The following KSR2 variants were observed in gnomAD, a reference collection of about 807,000 sequenced individuals.
The protein encoded by KSR2 is kinase suppressor of ras 2.
A neutral mutation model predicts 107.8 loss-of-function variants in KSR2; 25 were observed. That is an observed-to-expected ratio of 0.23 (90% CI 0.17 to 0.32). The LOEUF is 0.32. Among genes scored for constraint, KSR2 ranks in the 10% least tolerant of loss-of-function variants. The probability of loss-of-function intolerance (pLI) is 1.00; values close to 1 mark genes in which losing one functional copy is unlikely to be tolerated. For missense variants in KSR2, 887 were observed against 1,268.9 expected, an observed-to-expected ratio of 0.70 and a Z score of 4.57; for synonymous variants, 480 against 507.0, an observed-to-expected ratio of 0.95 and a Z score of 0.71.
In KSR2 at chr12:117,552,602, C is replaced by T. The variant is rs927313385; in HGVS notation, c.1518+2567G>A. Among the ~76,000 whole-genome samples, 15 of 152,312 alleles carry T rather than the reference C, an allele frequency of 9.8e-5. No homozygotes were observed. The East Asian group carries it at 2.7e-3, about 27-fold the overall frequency. On this transcript the variant is annotated intron_variant, in intron 9 of 19. Transcript: ENST00000339824. ...TGCTCTAGTTGACATCTCTGCTGAA[C>T]CCAGGCTTTGACTCAACCCAGCCCA...
chr12:117,604,490 T>C (rs945228861), intron 5 of KSR2, among the ~76,000 whole-genome samples: 1 of 152,226 alleles, frequency 6.6e-6, no homozygotes, highest in Non-Finnish European at 1.5e-5. Flanking sequence ...ACCAAACTGT[T>C]TTCCACACGG....
intron 1 of KSR2, among the ~76,000 whole-genome samples, chr12:117,884,778 G>A (rs561356171): frequency 5.9e-5 from 9 of 152,256 alleles, no homozygotes; most frequent in African/African-American, 1.7e-4. Context: ...CTGCACTGCC[G>A]AGACCTCTGT....
chr12:117,614,759 G>A (rs1289982690), intron 5 of KSR2, among the ~76,000 whole-genome samples: 1 of 152,144 alleles, frequency 6.6e-6, no homozygotes, highest in East Asian at 1.9e-4. Flanking sequence ...AAATAATTTT[G>A]ACGATTGTTC....
intron 7 of KSR2, among the ~76,000 whole-genome samples, chr12:117,568,327 G>A (rs1179780559): frequency 6.6e-6 from 1 of 152,210 alleles, no homozygotes; most frequent in African/African-American, 2.4e-5. Flanking sequence ...GCATGTGGCA[G>A]GCTGGGGGAG....
intron 3 of KSR2, among the ~76,000 whole-genome samples, chr12:117,814,950 C>T (rs1891320312): frequency 6.6e-6 from 1 of 152,098 alleles, no homozygotes; most frequent in African/African-American, 2.4e-5. Context: ...AATAAAAAAA[C>T]AAACAATCCA....
intron 7 of KSR2, among the ~76,000 whole-genome samples, chr12:117,568,473 G>T (rs550948845): frequency 8.5e-5 from 13 of 152,242 alleles, no homozygotes; most frequent in African/African-American, 2.9e-4. Context: ...CCCTTTGCCC[G>T]TGTAAAGCGG....
At chr12:117,936,043 C>CTT (rs1325261602) in intron 1 of KSR2, among the ~76,000 whole-genome samples, 2 of 147,444 alleles carry the variant, frequency 1.4e-5, no homozygotes, top group African/African-American at 5.0e-5. Context: ...ATTTATTGAA[C>CTT]TTTTTTTTTT....
chr12:117,637,302 C>G (rs528656546), intron 5 of KSR2, among the ~76,000 whole-genome samples: 1 of 152,326 alleles, frequency 6.6e-6, no homozygotes, highest in Admixed American at 6.5e-5. Flanking sequence ...GCACATTTGA[C>G]AATGTCTGGA....
chr12:117,474,931 G>A (rs1871681225), intron 17 of KSR2, among the ~76,000 whole-genome samples: 3 of 152,032 alleles, frequency 2.0e-5, no homozygotes, highest in Admixed American at 2.0e-4. Context: ...AGTGAATGAT[G>A]CCACTCTCCA....
At position 117,641,816 on chromosome 12, in the gene KSR2, G is replaced by A. The variant is rs927995558; in HGVS notation, c.1171+25658C>T. 2.6e-5 allele frequency among the ~76,000 whole-genome samples: 4 copies of A among 152,110 alleles called. No homozygotes were observed. The South Asian group carries it at 8.3e-4, about 32-fold the overall frequency. ...AGCACGGTTTAGTAGCACCTGAGGC[G>A]AAGGCTTGTGAGCTTCCCTCAGGTC... On this transcript the variant is annotated intron_variant, in intron 5 of 19. Coordinates refer to ENST00000339824, the MANE Select transcript of KSR2 (RefSeq NM_173598.6).
At chr12:117,681,935 T>C (rs1162583585) in intron 4 of KSR2, among the ~76,000 whole-genome samples, 2 of 152,176 alleles carry the variant, frequency 1.3e-5, no homozygotes, top group East Asian at 3.8e-4. Flanking sequence ...CCCAAAGGAA[T>C]ATAAATCATT....
chr12:117,713,232 T>C (rs1321956601), intron 4 of KSR2, among the ~76,000 whole-genome samples: 8 of 151,804 alleles, frequency 5.3e-5, no homozygotes, highest in African/African-American at 1.9e-4. Context: ...TAGATACAGA[T>C]ATATCTAAGT....
Position 117,956,216 on chromosome 12 carries a change from C to G in KSR2, c.180+11860G>C, listed in dbSNP as rs891234013. Among the ~76,000 whole-genome samples the G allele has an allele frequency of 9.7e-5, 13 of 133,848 alleles. No individual in the cohort carries two copies. In the East Asian group the frequency reaches 1.2e-3, roughly 12 times the overall value. The allele number at this position is 133,848 out of a possible 152,430, so 87.8% of individuals were successfully genotyped here. A position where few individuals can be genotyped will look rare whatever the true frequency, so the allele number is the denominator to read the frequency against. On this transcript the variant is annotated intron_variant, in intron 1 of 19. Coordinates refer to ENST00000339824, the MANE Select transcript of KSR2 (RefSeq NM_173598.6). ...AGTGAGCCGAGATTGAGCCACTGCA[C>G]TCCAGCCTGGGCGACAGAGCAAGAC...
At chr12:117,570,106 C>A (rs959054697) in intron 7 of KSR2, among the ~76,000 whole-genome samples, 2 of 151,972 alleles carry the variant, frequency 1.3e-5, no homozygotes, top group Non-Finnish European at 2.9e-5. Context: ...AGGTTCACGC[C>A]ATTCTCCTGC....
chr12:117,557,984 C>T (rs1486328402), intron 8 of KSR2, among the ~76,000 whole-genome samples: 2 of 152,192 alleles, frequency 1.3e-5, no homozygotes, highest in African/African-American at 4.8e-5. Context: ...CTGGTAGCGG[C>T]TCTCCCAGGG....
chr12:117,776,138 T>C (rs114535022), intron 3 of KSR2, among the ~76,000 whole-genome samples: 1,850 of 152,206 alleles, frequency 0.012, 46 homozygotes, highest in African/African-American at 0.042. Flanking sequence ...TCTAGAAAGT[T>C]CCAGGTCCAT....
At chr12:117,554,460 T>C (rs1355268660) in intron 9 of KSR2, among the ~76,000 whole-genome samples, 1 of 152,132 alleles carries the variant, frequency 6.6e-6, no homozygotes, top group Non-Finnish European at 1.5e-5. Context: ...TCTGCAAAGT[T>C]GGTCCTGGAA....
Position 117,461,040 on chromosome 12 carries a change from C to G in KSR2, c.*6159G>C, listed in dbSNP as rs1346580988. 2.6e-5 allele frequency: 4 copies of G among 152,336 alleles called. No individual in the cohort carries two copies. Among genetic ancestry groups the G allele is most frequent in the African/African-American group, 9.6e-5 (4 of 41,462 alleles). The allele number at this position is 152,336 out of a possible 1,614,324, so 9.4% of individuals were successfully genotyped here. A position where few individuals can be genotyped will look rare whatever the true frequency, so the allele number is the denominator to read the frequency against. ...CCTGTAATCCCAGTGCTTTGGGAGGCTGAAGCAGGGGGATTGCTTGAGACC... is the reference window on the plus strand; with the variant it reads ...CCTGTAATCCCAGTGCTTTGGGAGGGTGAAGCAGGGGGATTGCTTGAGACC... On this transcript the variant is annotated 3_prime_UTR_variant, in exon 20 of 20. Transcript: ENST00000339824.
chr12:117,855,395 G>A (rs1289204776), intron 3 of KSR2, 33 bp downstream of exon 3: 1 of 1,613,370 alleles, frequency 6.2e-7, no homozygotes, highest in African/African-American at 1.3e-5. Context: ...CTGGGGACAA[G>A]TCTCCACATC....
Sources: gnomAD v4.1 joint callset for allele counts (sites outside exome capture counted in the v4.1 genomes callset) on GRCh38, gnomAD v4.1.1 for gene constraint, MANE v1.5 for transcripts, NCBI Gene and HGNC (gene_info 2026-07-23, HGNC 2026-07-21) for gene names.